LMNB1: variants seen among roughly 807,000 people sequenced by gnomAD.
The protein encoded by LMNB1 is lamin B1.
In LMNB1, 23 loss-of-function variants were observed where a neutral mutation model predicts 67.1. The observed-to-expected ratio is 0.34, with a 90% CI of 0.25 to 0.49. LMNB1 has a LOEUF of 0.49. Among genes scored for constraint, LMNB1 ranks in the 20% least tolerant of loss-of-function variants. LMNB1 has a pLI of 0.99. For synonymous variants in LMNB1, 281 were observed against 282.9 expected, an observed-to-expected ratio of 0.99 and a Z score of 0.07; for missense variants, 634 against 746.5, an observed-to-expected ratio of 0.85 and a Z score of 1.76.
intron 1 of LMNB1, among the ~76,000 whole-genome samples, chr5:126,801,718 T>G (rs1442861661): frequency 6.6e-6 from 1 of 152,248 alleles, no homozygotes; most frequent in Non-Finnish European, 1.5e-5. Flanking sequence ...GTTGACATGC[T>G]GTTTTATGCA....
chr5:126,796,111 T>C (rs958770984), intron 1 of LMNB1, among the ~76,000 whole-genome samples: 5 of 151,746 alleles, frequency 3.3e-5, no homozygotes, highest in Non-Finnish European at 2.9e-5. Context: ...TTTGTATTTT[T>C]AGTAGAGACA....
At chr5:126,830,983 G>T (rs1752117748) in intron 9 of LMNB1, among the ~76,000 whole-genome samples, 1 of 152,180 alleles carries the variant, frequency 6.6e-6, no homozygotes, top group South Asian at 2.1e-4. Flanking sequence ...CAATTTCACA[G>T]AATTGAAGTT....
At chr5:126,817,078 G>GTTTGTTT (rs367876694) in intron 5 of LMNB1, among the ~76,000 whole-genome samples, 105 of 22,850 alleles carry the variant, frequency 4.6e-3, no homozygotes, top group African/African-American at 7.4e-3. Flanking sequence ...CCGTTTGTTT[G>GTTTGTTT]GTTTGTTTGT....
At chr5:126,821,643 T>C (rs921664577) in intron 7 of LMNB1, among the ~76,000 whole-genome samples, 1 of 152,250 alleles carries the variant, frequency 6.6e-6, no homozygotes, top group African/African-American at 2.4e-5. Context: ...TTTTGAAATA[T>C]GTTTAAAAGT....
At chr5:126,811,299 A>T (rs976697238) in intron 4 of LMNB1, among the ~76,000 whole-genome samples, 4 of 152,178 alleles carry the variant, frequency 2.6e-5, no homozygotes, top group Admixed American at 6.5e-5. Context: ...TATTTTACTC[A>T]AGGAGTTTTT....
intron 1 of LMNB1, among the ~76,000 whole-genome samples, chr5:126,800,982 A>ATATATAATTTTTT: frequency 1.1e-4 from 2 of 18,636 alleles, no homozygotes; most frequent in Non-Finnish European, 2.1e-4. Context: ...TATATATATA[A>ATATATAATTTTTT]TTTTTTTTTT....
chr5:126,801,520 T>C (rs1751286570), intron 1 of LMNB1, among the ~76,000 whole-genome samples: 1 of 152,192 alleles, frequency 6.6e-6, no homozygotes, highest in South Asian at 2.1e-4. Flanking sequence ...TGGGTTAATT[T>C]TTGGCTTCTT....
chr5:126,808,764 A>G (rs1225501972), intron 3 of LMNB1, among the ~76,000 whole-genome samples: 1 of 152,234 alleles, frequency 6.6e-6, no homozygotes, highest in African/African-American at 2.4e-5. Flanking sequence ...TGTAGTAGTT[A>G]AGAGAAAGAT....
At chr5:126,794,503 G>C (rs1327713607) in intron 1 of LMNB1, among the ~76,000 whole-genome samples, 1 of 152,132 alleles carries the variant, frequency 6.6e-6, no homozygotes, top group African/African-American at 2.4e-5. Context: ...TAAAGGTCTG[G>C]AGCATGGCTA....
At chr5:126,835,956 G>C (rs898896296) in intron 10 of LMNB1, among the ~76,000 whole-genome samples, 4 of 152,176 alleles carry the variant, frequency 2.6e-5, no homozygotes, top group African/African-American at 9.7e-5. Context: ...TGAGGCATGA[G>C]AATCGCTTGA....
intron 9 of LMNB1, among the ~76,000 whole-genome samples, chr5:126,827,810 G>A (rs1752030228): frequency 1.3e-5 from 2 of 152,168 alleles, no homozygotes. Context: ...GAAAGCCAAG[G>A]GAGGAAAGTA....
chr5:126,798,880 T>G (rs888758427), intron 1 of LMNB1, among the ~76,000 whole-genome samples: 6 of 152,012 alleles, frequency 3.9e-5, no homozygotes, highest in Non-Finnish European at 5.9e-5. Context: ...CCTCAAAGGG[T>G]TTACAGTCTC....
chr5:126,822,798 C>T lies in LMNB1; in HGVS notation c.1404C>T (p.Gly468=). 1 of 1,610,340 alleles carries T rather than the reference C, an allele frequency of 6.2e-7. No homozygotes were observed. Among genetic ancestry groups the T allele is most frequent in the East Asian group, 2.2e-5 (1 of 44,826 alleles). Residue 468 remains glycine, a synonymous_variant, in exon 8 of 11, where the codon GGC becomes GGT. Coordinates refer to ENST00000261366, the MANE Select transcript of LMNB1 (RefSeq NM_005573.4). ...NTSEQDQPMG[G]WEMIRKIGDT... ...GTGTGTAGGATCAACCAATGGGAGG[C>T]TGGGAGATGATCAGAAAAATTGGAG...
intron 1 of LMNB1, among the ~76,000 whole-genome samples, chr5:126,802,922 T>G (rs1187144502): frequency 1.3e-5 from 2 of 152,144 alleles, no homozygotes; most frequent in Non-Finnish European, 2.9e-5. Flanking sequence ...CAGCAGCTCA[T>G]GCCTGTAATC....
chr5:126,814,935 G>A (rs1402249811), intron 5 of LMNB1, among the ~76,000 whole-genome samples: 1 of 152,120 alleles, frequency 6.6e-6, no homozygotes, highest in Non-Finnish European at 1.5e-5. Context: ...AGTGCACTGG[G>A]GGTTTCCAGG....
At chr5:126,778,242 C>T (rs945051828) in intron 1 of LMNB1, among the ~76,000 whole-genome samples, 17 of 151,812 alleles carry the variant, frequency 1.1e-4, no homozygotes, top group African/African-American at 2.9e-4. Context: ...GGAGCGCGAG[C>T]GCGCGCTCGC....
chr5:126,805,064 G>C, intron 2 of LMNB1, 132 bp downstream of exon 2: 1 of 818,572 alleles, frequency 1.2e-6, no homozygotes, highest in Non-Finnish European at 1.8e-6. Context: ...GTTTTCTGAT[G>C]GTTTACTTGA....
chr5:126,820,529 T>C (rs1440340662), intron 6 of LMNB1, among the ~76,000 whole-genome samples: 1 of 152,098 alleles, frequency 6.6e-6, no homozygotes, highest in East Asian at 1.9e-4. Flanking sequence ...TTCTTCTTCT[T>C]ATTATTATTA....
chr5:126,784,959 G>T (rs530674198), intron 1 of LMNB1, among the ~76,000 whole-genome samples: 1 of 151,138 alleles, frequency 6.6e-6, no homozygotes, highest in Admixed American at 6.6e-5. Flanking sequence ...ACTGCCCTCC[G>T]CCCGAATTTT....
Sources: allele counts gnomAD v4.1 joint callset (sites outside exome capture counted in the v4.1 genomes callset), GRCh38; gene constraint gnomAD v4.1.1; transcripts MANE v1.5; gene names NCBI Gene and HGNC (gene_info 2026-07-23, HGNC 2026-07-21).